The following NPAS2 variants were observed in gnomAD, a reference collection of about 807,000 sequenced individuals.
NPAS2 encodes the protein neuronal PAS domain protein 2, also known as neuronal PAS domain-containing protein 2.
NPAS2 carries 23 observed loss-of-function variants against 107.5 expected under a neutral mutation model. The ratio of observed to expected loss-of-function variants is 0.21; its 90% CI spans 0.15 to 0.30. NPAS2 has a LOEUF of 0.30. Among genes scored for constraint, NPAS2 ranks in the 10% least tolerant of loss-of-function variants. The probability of loss-of-function intolerance (pLI) is 1.00; values close to 1 mark genes in which losing one functional copy is unlikely to be tolerated. For synonymous variants in NPAS2, 403 were observed against 417.5 expected (o/e 0.97, Z 0.42); for missense variants, 756 against 1,043.3 (o/e 0.72, Z 3.79).
intron 17 of NPAS2, chr2:100,988,595 C>T (rs72818972): frequency 0.1 from 38,459 of 370,560 alleles, 2,448 homozygotes; most frequent in Non-Finnish European, 0.14. Flanking sequence ...ATGGCCATCC[C>T]AGAGACCCAC....
At position 100,995,635 on chromosome 2, in the gene NPAS2, G is replaced by A; in HGVS notation, c.*53G>A. Reference sequence around the variant, plus strand: ...TCAGCTTTAACCAATGGATGAGGGGGGTGGCCACAGGAGATGGGGAGAGGA... The same window carrying A: ...TCAGCTTTAACCAATGGATGAGGGGAGTGGCCACAGGAGATGGGGAGAGGA... On this transcript the variant is annotated 3_prime_UTR_variant, in exon 21 of 21. Transcript: ENST00000335681. 1 of 1,570,414 alleles carries A rather than the reference G, an allele frequency of 6.4e-7. No individual in the cohort carries two copies.
rs1293050838 is a variant in NPAS2 at position 100,959,098 on chromosome 2, A to AT, written c.599-4960_599-4959insT. Among the ~76,000 whole-genome samples, 10 of 105,308 alleles carry AT rather than the reference A, an allele frequency of 9.5e-5. 1 individual carries two copies. The highest frequency in any genetic ancestry group is 1.4e-4 in the Non-Finnish European group (7 of 48,296). The allele number at this position is 105,308 out of a possible 152,430, so 69.1% of individuals were successfully genotyped here. A position where few individuals can be genotyped will look rare whatever the true frequency, so the allele number is the denominator to read the frequency against. ...TGAAACCCCATCTCTTCAAAAAAAA[A>AT]AAAAAAAAAAACAAAACTAAAATTA... On this transcript the variant is annotated intron_variant, in intron 7 of 20. Transcript: ENST00000335681.
rs1204939674 is a variant in NPAS2, at chr2:100,941,468, T to A, written c.363+3626T>A. On this transcript the variant is annotated intron_variant, in intron 5 of 20. Transcript: ENST00000335681. ...GTCTTAGCTACTTGAGAGGCTGAGG[T>A]GGGAGAATCGCTTGAGCCTGGGAGG... Among the ~76,000 whole-genome samples, 5 of 151,692 alleles carry A rather than the reference T, an allele frequency of 3.3e-5. No individual in the cohort carries two copies. The East Asian group carries it at 9.8e-4, about 30-fold the overall frequency.
intron 1 of NPAS2, among the ~76,000 whole-genome samples, chr2:100,875,765 TC>T (rs1228762281): frequency 6.6e-6 from 1 of 152,212 alleles, no homozygotes; most frequent in East Asian, 1.9e-4. Context: ...TGCACTTTTT[TC>T]CTTAAACGCA....
intron 1 of NPAS2, among the ~76,000 whole-genome samples, chr2:100,882,115 T>C (rs1680387823): frequency 6.6e-6 from 1 of 152,238 alleles, no homozygotes; most frequent in African/African-American, 2.4e-5. Flanking sequence ...GAAATAATTA[T>C]AGATTCAAAG....
chr2:100,934,380 G>A (rs1472318087), intron 4 of NPAS2, among the ~76,000 whole-genome samples: 1 of 151,326 alleles, frequency 6.6e-6, no homozygotes, highest in African/African-American at 2.4e-5. Context: ...CTTTTGTAAA[G>A]TTAAAAATGA....
intron 3 of NPAS2, among the ~76,000 whole-genome samples, chr2:100,932,172 T>C (rs1319829349): frequency 6.6e-6 from 1 of 152,272 alleles, no homozygotes; most frequent in Non-Finnish European, 1.5e-5. Context: ...GAGCCACCTA[T>C]AATTATCTTA....
intron 1 of NPAS2, chr2:100,878,241 A>T: frequency 1.0e-6 from 1 of 985,398 alleles, no homozygotes; most frequent in South Asian, 4.7e-5. Context: ...AAGGCAAAAA[A>T]ATATAGAGGA....
At chr2:100,835,721 A>C (rs1677013567) in intron 1 of NPAS2, among the ~76,000 whole-genome samples, 1 of 152,154 alleles carries the variant, frequency 6.6e-6, no homozygotes, top group Non-Finnish European at 1.5e-5. Flanking sequence ...ATGGAAAGGT[A>C]GGGGTCACCT....
rs1017047794 is a variant in NPAS2 at position 100,996,686 on chromosome 2, T to C, written c.*1104T>C. On this transcript the variant is annotated 3_prime_UTR_variant, in exon 21 of 21. Transcript: ENST00000335681. ...CTGTTGTAATAATGACCTATTTCTATATAAAATAAAATTGTATGGCTTATG... is the reference window on the plus strand; with the variant it reads ...CTGTTGTAATAATGACCTATTTCTACATAAAATAAAATTGTATGGCTTATG... 7.2e-5 allele frequency: 11 copies of C among 152,682 alleles called. No individual in the cohort carries two copies. The highest frequency in any genetic ancestry group is 2.4e-4 in the African/African-American group (10 of 41,464). The allele number at this position is 152,682 out of a possible 1,614,324, so 9.5% of individuals were successfully genotyped here.
At chr2:100,882,178 T>G (rs749235036) in intron 1 of NPAS2, among the ~76,000 whole-genome samples, 3 of 152,190 alleles carry the variant, frequency 2.0e-5, no homozygotes, top group Non-Finnish European at 2.9e-5. Flanking sequence ...TTTCCCCCAG[T>G]GGCAACATCT....
rs547630715 is a variant in NPAS2, at chr2:100,840,081, G to A, written c.-23+19667G>A. On this transcript the variant is annotated intron_variant, in intron 1 of 20. Coordinates refer to ENST00000335681, the MANE Select transcript of NPAS2 (RefSeq NM_002518.4). ...TACTCCGTTCACCTATCCAGGCCCC[G>A]GGGCCTTTGCTCATACTGTTACTGC... Among the ~76,000 whole-genome samples the A allele has an allele frequency of 7.9e-5, 12 of 152,106 alleles. No homozygotes were observed. In the East Asian group the frequency reaches 9.7e-4, roughly 12 times the overall value.
intron 2 of NPAS2, among the ~76,000 whole-genome samples, chr2:100,924,296 T>C (rs911204344): frequency 2.6e-5 from 4 of 152,324 alleles, no homozygotes; most frequent in South Asian, 2.1e-4. Flanking sequence ...GTGTTGTACA[T>C]TCTCCAAGTC....
intron 2 of NPAS2, among the ~76,000 whole-genome samples, chr2:100,910,953 A>G (rs1682510527): frequency 1.3e-5 from 2 of 152,216 alleles, no homozygotes; most frequent in African/African-American, 4.8e-5. Flanking sequence ...ACCTGTCTCC[A>G]GACTCTAAGC....
intron 1 of NPAS2, among the ~76,000 whole-genome samples, chr2:100,863,380 A>G (rs1027417772): frequency 1.3e-5 from 2 of 152,222 alleles, no homozygotes; most frequent in African/African-American, 4.8e-5. Context: ...GCAGTTACCT[A>G]TGAGCCCTTT....
At chr2:100,871,205 C>T (rs1679562138) in intron 1 of NPAS2, among the ~76,000 whole-genome samples, 1 of 152,170 alleles carries the variant, frequency 6.6e-6, no homozygotes, top group Non-Finnish European at 1.5e-5. Flanking sequence ...CCTTTGGCTA[C>T]TTTCCCACTG....
intron 5 of NPAS2, among the ~76,000 whole-genome samples, chr2:100,943,250 G>A (rs1176141669): frequency 6.6e-6 from 1 of 152,218 alleles, no homozygotes; most frequent in Admixed American, 6.5e-5. Flanking sequence ...GTACATGAAG[G>A]TGTCTCATGG....
chr2:100,875,606 G>A (rs1273317112), intron 1 of NPAS2, among the ~76,000 whole-genome samples: 3 of 152,172 alleles, frequency 2.0e-5, no homozygotes, highest in Non-Finnish European at 2.9e-5. Flanking sequence ...TCCTGGACGC[G>A]CAGCTTGTCG....
intron 1 of NPAS2, among the ~76,000 whole-genome samples, chr2:100,823,052 C>A (rs935852988): frequency 6.6e-6 from 1 of 152,064 alleles, no homozygotes; most frequent in Non-Finnish European, 1.5e-5. Context: ...CATCTCATCT[C>A]GATGGGGCCT....
Sources: allele counts gnomAD v4.1 joint callset (sites outside exome capture counted in the v4.1 genomes callset), GRCh38; gene constraint gnomAD v4.1.1; transcripts MANE v1.5; gene names NCBI Gene and HGNC (gene_info 2026-07-23, HGNC 2026-07-21).